Variants in ITPRID2 observed in about 807,000 individuals in gnomAD.
ITPRID2 encodes ITPR interacting domain containing 2.
A neutral mutation model predicts 124.3 loss-of-function variants in ITPRID2; 60 were observed. The observed-to-expected ratio is 0.48, with a 90% CI of 0.39 to 0.60. The LOEUF (loss-of-function observed/expected upper bound fraction) is 0.60, where lower values mean the gene tolerates loss of function less well. ITPRID2 is among the 20% of genes least tolerant of loss of function. The pLI is 0.00. For synonymous variants in ITPRID2, 521 were observed against 542.9 expected (o/e 0.96, Z 0.56); for missense variants, 1,553 against 1,512.2 (o/e 1.03, Z -0.45).
rs1397992899 is a variant in ITPRID2 at position 181,918,616 on chromosome 2, C to T, written c.2806C>T (p.Pro936Ser). Reference sequence around the variant, plus strand: ...TTTGAAGTACCCTATGATGAGAGGACCTGATCCTGCTGCTGCTCCATATAG... The same window carrying T: ...TTTGAAGTACCCTATGATGAGAGGATCTGATCCTGCTGCTGCTCCATATAG... ...NLSQYPMMRG[P>S]DPAAAPYSTQ... The change falls in exon 12 of 18, where the codon CCT becomes TCT. Residue 936 changes from proline to serine, a missense_variant. Pro to Ser is a moderately conservative substitution (Grantham distance 74). Transcript: ENST00000431877. The T allele has an allele frequency of 6.2e-7, 1 of 1,614,002 alleles. No homozygotes were observed. The highest frequency in any genetic ancestry group is 1.7e-5 in the Admixed American group (1 of 60,010).
chr2:181,914,057 T>C lies in ITPRID2; in HGVS notation c.1575+124T>C, dbSNP rs534849020. 2 of 612,296 alleles carry C rather than the reference T, an allele frequency of 3.3e-6. 1 individual carries two copies. The highest frequency in any genetic ancestry group is 4.4e-5 in the South Asian group (2 of 45,584). 37.9% of individuals were successfully genotyped at this position (612,296 alleles called of 1,614,324 possible). A position where few individuals can be genotyped will look rare whatever the true frequency, so the allele number is the denominator to read the frequency against. On this transcript the variant is annotated intron_variant, in intron 10 of 17. Coordinates refer to ENST00000431877, the MANE Select transcript of ITPRID2 (RefSeq NM_001130445.3). Reference sequence around the variant, plus strand: ...TATTTTTCAAGTGACAGAACAAAACTCCTGGCATGTAGATGTTATCTAAGC... The same window carrying C: ...TATTTTTCAAGTGACAGAACAAAACCCCTGGCATGTAGATGTTATCTAAGC...
In ITPRID2 at chr2:181,892,270, G is replaced by A; in HGVS notation, c.204G>A (p.Gly68=). 2.6e-6 allele frequency: 4 copies of A among 1,547,676 alleles called. No individual in the cohort carries two copies. The highest frequency in any genetic ancestry group is 1.4e-5 in the African/African-American group (1 of 73,118). Reference sequence around the variant, plus strand: ...CCGGCGCGCAGCTGCCGGCAGCGGGGGGAAGAGGTCGGTGCTCCCGGCCGG... The same window carrying A: ...CCGGCGCGCAGCTGCCGGCAGCGGGAGGAAGAGGTCGGTGCTCCCGGCCGG... ...DLPGAQLPAA[G]GRGNVPNEKI... Residue 68 remains glycine (G), a synonymous_variant, in exon 1 of 18, where the codon GGG becomes GGA. Coordinates refer to ENST00000431877, the MANE Select transcript of ITPRID2 (RefSeq NM_001130445.3). The surrounding 1 kb of genome is among the most constrained non-coding windows in gnomAD (Gnocchi z 5.2).
chr2:181,902,503 A>C lies in ITPRID2; in HGVS notation c.1413+37A>C. The C allele has an allele frequency of 7.0e-7, 1 of 1,426,424 alleles. No homozygotes were observed. Among genetic ancestry groups the C allele is most frequent in the Non-Finnish European group, 9.4e-7 (1 of 1,067,290 alleles). 88.4% of individuals were successfully genotyped at this position (1,426,424 alleles called of 1,614,324 possible). On this transcript the variant is annotated intron_variant, in intron 8 of 17. Transcript: ENST00000431877. The surrounding 1 kb of genome is among the most constrained non-coding windows in gnomAD (Gnocchi z 4.4). ...ATTACTGAGACTGGTTTCAAGTTGC[A>C]GACTAGGAAAAAAAGTACCAAAAAT...
At chr2:181,921,303 C>A (rs1472923947) in intron 15 of ITPRID2, among the ~76,000 whole-genome samples, 4 of 152,054 alleles carry the variant, frequency 2.6e-5, no homozygotes, top group Non-Finnish European at 5.9e-5. Flanking sequence ...CATGGTGAAA[C>A]CGCATCTCTA....
At chr2:181,913,310 G>C (rs937911714) in intron 9 of ITPRID2, among the ~76,000 whole-genome samples, 144 of 152,032 alleles carry the variant, frequency 9.5e-4, no homozygotes, top group African/African-American at 3.5e-3. Flanking sequence ...CTCGTGATCC[G>C]CCCGCCTCAG....
intron 11 of ITPRID2, chr2:181,917,107 T>G: frequency 2.7e-6 from 2 of 752,070 alleles, no homozygotes; most frequent in Middle Eastern, 6.9e-4. Context: ...CAAAAAAATT[T>G]TGAAAATAAG....
intron 11 of ITPRID2, chr2:181,916,679 C>G: frequency 1.4e-6 from 1 of 717,988 alleles, no homozygotes; most frequent in Non-Finnish European, 2.0e-6. Context: ...AGAGATTTTT[C>G]TCGTTAAGTA....
rs946865362 is a variant in ITPRID2, at chr2:181,891,989, A to C, written c.-78A>C. The C allele has an allele frequency of 1.7e-5, 22 of 1,292,296 alleles. No homozygotes were observed. Among genetic ancestry groups the C allele is most frequent in the Non-Finnish European group, 2.1e-5 (21 of 984,998 alleles). 80.1% of individuals were successfully genotyped at this position (1,292,296 alleles called of 1,614,324 possible). On this transcript the variant is annotated 5_prime_UTR_variant, in exon 1 of 18. Transcript: ENST00000431877. ...GGGCCCCCTGCCCGGCCGGGCGCTG[A>C]CAGCAAGGGCGGGGGTCCCTGCCGC...
In ITPRID2 at chr2:181,891,897, C is replaced by T; in HGVS notation, c.-170C>T. 1 of 407,818 alleles carries T rather than the reference C, an allele frequency of 2.5e-6. No individual in the cohort carries two copies. The highest frequency in any genetic ancestry group is 4.5e-6 in the Non-Finnish European group (1 of 222,492). The allele number at this position is 407,818 out of a possible 1,614,324, so 25.3% of individuals were successfully genotyped here. A position where few individuals can be genotyped will look rare whatever the true frequency, so the allele number is the denominator to read the frequency against. ...GCCCTCCGCCCCTTCCCTCCCCTTC[C>T]TTCCCTCCCTCCCTCCCTGTCCCCT... is the stretch of plus-strand genomic sequence containing the variant. On this transcript the variant is annotated 5_prime_UTR_variant, in exon 1 of 18. Transcript: ENST00000431877.
intron 6 of ITPRID2, among the ~76,000 whole-genome samples, chr2:181,899,490 G>A (rs1692483014): frequency 6.6e-6 from 1 of 152,112 alleles, no homozygotes; most frequent in Non-Finnish European, 1.5e-5. Flanking sequence ...CTAAGTTACA[G>A]CTTGATATTT....
Position 181,918,765 on chromosome 2 carries a change from A to G in ITPRID2, c.2876A>G (p.Gln959Arg), listed in dbSNP as rs199838081. 10 of 1,613,872 alleles carry G rather than the reference A, an allele frequency of 6.2e-6. No individual in the cohort carries two copies. Among genetic ancestry groups the G allele is most frequent in the Non-Finnish European group, 8.5e-7 (1 of 1,179,928 alleles). ...TATATTGCATTCTAGAATACTTTTC[A>G]GGAGCTCCAGGTAATGAGGCGGAGC... ...SVLPLYENTF[Q>R]ELQVMRRSLN... The change falls in exon 13 of 18, where the codon CAG becomes CGG. Residue 959 changes from glutamine to arginine, a missense_variant. Physicochemically the swap from Gln to Arg is conservative, Grantham distance 43. Coordinates refer to ENST00000431877, the MANE Select transcript of ITPRID2 (RefSeq NM_001130445.3).
At chr2:181,901,014 G>A in intron 7 of ITPRID2, 110 bp downstream of exon 7, 1 of 860,428 alleles carries the variant, frequency 1.2e-6, no homozygotes, top group Non-Finnish European at 1.7e-6. Context: ...AAAGTAAAGA[G>A]ATTGATTAAC....
Position 181,892,658 on chromosome 2 carries a change from C to T in ITPRID2, c.255C>T (p.Cys85=). 1 of 1,614,092 alleles carries T rather than the reference C, an allele frequency of 6.2e-7. No individual in the cohort carries two copies. The highest frequency in any genetic ancestry group is 8.5e-7 in the Non-Finnish European group (1 of 1,179,996). Residue 85 remains cysteine, a splice_region_variant and synonymous_variant, in exon 2 of 18, where the codon TGC becomes TGT. Transcript: ENST00000431877. This position sits in a 1 kb window ranked among gnomAD's most constrained non-coding sequence, Gnocchi z 5.2. ...NEKIAIWLKD[C]RTPLGASLDE... is the part of the protein sequence containing the mutation. The stretch of plus-strand genomic sequence containing the variant: ...AGATCGCGATATGGCTCAAGGACTG[C>T]CGGTGAGTGCTCCCTGGTCCGCCCG...
chr2:181,924,727 T>C (rs1415115152), intron 16 of ITPRID2, among the ~76,000 whole-genome samples: 1 of 152,238 alleles, frequency 6.6e-6, no homozygotes, highest in African/African-American at 2.4e-5. Context: ...AGTAGAATTC[T>C]TTTTTTGAAG....
intron 6 of ITPRID2, among the ~76,000 whole-genome samples, chr2:181,899,432 T>G (rs530477580): frequency 6.6e-6 from 1 of 152,350 alleles, no homozygotes; most frequent in South Asian, 2.1e-4. Context: ...CAAAATTCAT[T>G]GTTAAGGACT....
rs780235345 is a variant in ITPRID2 at position 181,913,953 on chromosome 2, T to C, written c.1575+20T>C. The C allele has an allele frequency of 3.2e-6, 5 of 1,540,462 alleles. No homozygotes were observed. Among genetic ancestry groups the C allele is most frequent in the Admixed American group, 1.7e-5 (1 of 58,906 alleles). On this transcript the variant is annotated intron_variant, in intron 10 of 17. Coordinates refer to ENST00000431877, the MANE Select transcript of ITPRID2 (RefSeq NM_001130445.3). ...CTTCAGGTAAAATTTTCTGTTCTAA[T>C]AGGCACTATGATTAACTTCCTCATT...
Position 181,902,680 on chromosome 2 carries a change from T to C in ITPRID2, c.1413+214T>C, listed in dbSNP as rs139413836. 2.0e-5 allele frequency among the ~76,000 whole-genome samples: 3 copies of C among 152,356 alleles called. No individual in the cohort carries two copies. Among genetic ancestry groups the C allele is most frequent in the African/African-American group, 2.4e-5 (1 of 41,594 alleles). ...CAGTTCAGTAACTCCTCCAGATCTT[T>C]ATCCACTAGTTGATATTTGAACCTT... is the stretch of plus-strand genomic sequence containing the variant. On this transcript the variant is annotated intron_variant, in intron 8 of 17. Coordinates refer to ENST00000431877, the MANE Select transcript of ITPRID2 (RefSeq NM_001130445.3). This position sits in a 1 kb window ranked among gnomAD's most constrained non-coding sequence, Gnocchi z 4.4.
intron 4 of ITPRID2, among the ~76,000 whole-genome samples, chr2:181,898,501 T>G (rs902551963): frequency 2.0e-5 from 3 of 152,074 alleles, no homozygotes; most frequent in African/African-American, 7.2e-5. Flanking sequence ...GTTTTCCTCT[T>G]AAGATATTAT....
Position 181,916,284 on chromosome 2 carries a change from G to C in ITPRID2, c.2644G>C (p.Ala882Pro). The change falls in exon 11 of 18, where the codon GCT becomes CCT. Residue 882 changes from alanine (A) to proline (P), a missense_variant. Transcript: ENST00000431877. Reference sequence around the variant, plus strand: ...ATCAGGGGCTACTTGTAGTGCCTTCGCTTCCCCTTTCGGGTGTCCTTACTC... The same window carrying C: ...ATCAGGGGCTACTTGTAGTGCCTTCCCTTCCCCTTTCGGGTGTCCTTACTC... ...NISGATCSAF[A>P]SPFGCPYSHR... is the part of the protein sequence containing the mutation. 6.2e-7 allele frequency: 1 copy of C among 1,614,140 alleles called. No individual in the cohort carries two copies. Among genetic ancestry groups the C allele is most frequent in the Non-Finnish European group, 8.5e-7 (1 of 1,180,032 alleles).
Sources: allele counts gnomAD v4.1 joint callset (sites outside exome capture counted in the v4.1 genomes callset), GRCh38; gene constraint gnomAD v4.1.1; non-coding constraint Gnocchi (gnomAD v3.1); transcripts MANE v1.5; gene names NCBI Gene and HGNC (gene_info 2026-07-23, HGNC 2026-07-21).